Variants in SHC3 observed in about 807,000 individuals in gnomAD.
The protein encoded by SHC3 is SHC adaptor protein 3.
In SHC3, 15 loss-of-function variants were observed where a neutral mutation model predicts 60.4. That is an observed-to-expected ratio of 0.25 (90% CI 0.17 to 0.38). The LOEUF (loss-of-function observed/expected upper bound fraction) is 0.38, where lower values mean the gene tolerates loss of function less well. SHC3 is among the 10% of genes least tolerant of loss of function. SHC3 has a pLI of 1.00. For missense variants in SHC3, 677 were observed against 786.1 expected (o/e 0.86, Z 1.66); for synonymous variants, 294 against 325.9 (o/e 0.90, Z 1.05).
intron 1 of SHC3, among the ~76,000 whole-genome samples, chr9:89,169,969 T>G (rs1169860122): frequency 6.6e-6 from 1 of 152,028 alleles, no homozygotes; most frequent in African/African-American, 2.4e-5. Flanking sequence ...CGGGTTAGGC[T>G]CCCTCACCCC....
intron 11 of SHC3, among the ~76,000 whole-genome samples, chr9:89,033,940 T>C (rs1824531336): frequency 6.6e-6 from 1 of 152,070 alleles, no homozygotes. Context: ...CATATGAGCA[T>C]ATACAAGCAA....
rs533941313 is a variant in SHC3 at position 89,089,120 on chromosome 9, G to A, written c.546-11217C>T. Among the ~76,000 whole-genome samples the A allele has an allele frequency of 3.7e-4, 56 of 152,288 alleles. 1 individual carries two copies. The East Asian group carries it at 9.3e-3, about 25-fold the overall frequency. The stretch of plus-strand genomic sequence containing the variant: ...GAGGTATTTCCCCTTTCTGATCACC[G>A]CACAGAGCCTGTCCATTCCAGGGCA... On this transcript the variant is annotated intron_variant, in intron 2 of 11. Coordinates refer to ENST00000375835, the MANE Select transcript of SHC3 (RefSeq NM_016848.6).
chr9:89,066,708 G>A (rs1825188474), intron 5 of SHC3, among the ~76,000 whole-genome samples: 1 of 152,208 alleles, frequency 6.6e-6, no homozygotes, highest in South Asian at 2.1e-4. Flanking sequence ...AGGGCTTCCA[G>A]GTTATTGATA....
intron 1 of SHC3, among the ~76,000 whole-genome samples, chr9:89,124,741 G>A (rs1038167664): frequency 6.6e-6 from 1 of 151,854 alleles, no homozygotes; most frequent in African/African-American, 2.4e-5. Flanking sequence ...ATGCACACGG[G>A]GCTTAAAACT....
chr9:89,039,976 A>C (rs1170550705), intron 10 of SHC3, among the ~76,000 whole-genome samples: 1 of 151,140 alleles, frequency 6.6e-6, no homozygotes, highest in Non-Finnish European at 1.5e-5. Flanking sequence ...CACCATCAGC[A>C]CCATCAGCAC....
chr9:89,044,216 G>A (rs1323770112), intron 9 of SHC3, among the ~76,000 whole-genome samples: 2 of 152,190 alleles, frequency 1.3e-5, no homozygotes, highest in South Asian at 2.1e-4. Context: ...CATTTTAAAT[G>A]TGTGTAGAAC....
chr9:89,164,588 C>G (rs546795653), intron 1 of SHC3, among the ~76,000 whole-genome samples: 2 of 151,818 alleles, frequency 1.3e-5, no homozygotes, highest in Non-Finnish European at 2.9e-5. Context: ...GTAAGCAAGG[C>G]AAGCAAGCAG....
intron 6 of SHC3, among the ~76,000 whole-genome samples, chr9:89,059,690 A>ATT: frequency 8.1e-6 from 1 of 124,048 alleles, no homozygotes; most frequent in Non-Finnish European, 1.7e-5. Flanking sequence ...GTGGTGGAGG[A>ATT]TGGTGGTGGA....
At chr9:89,135,369 C>G (rs2118178287) in intron 1 of SHC3, among the ~76,000 whole-genome samples, 1 of 152,028 alleles carries the variant, frequency 6.6e-6, no homozygotes, top group East Asian at 1.9e-4. Context: ...ATTTATTTAA[C>G]TCAGGTATTT....
At chr9:89,118,406 T>C (rs1402524052) in intron 1 of SHC3, among the ~76,000 whole-genome samples, 1 of 152,050 alleles carries the variant, frequency 6.6e-6, no homozygotes, top group Non-Finnish European at 1.5e-5. Flanking sequence ...AGAGTTTAGA[T>C]GCATCTGCCT....
chr9:89,077,738 A>T, intron 3 of SHC3, 102 bp downstream of exon 3: 1 of 1,412,262 alleles, frequency 7.1e-7, no homozygotes, highest in Non-Finnish European at 1.0e-6. Flanking sequence ...GCCGGGCCAC[A>T]GAAAGAGGAC....
intron 11 of SHC3, among the ~76,000 whole-genome samples, chr9:89,021,918 G>T (rs941933211): frequency 3.3e-5 from 5 of 152,202 alleles, no homozygotes; most frequent in Admixed American, 1.3e-4. Flanking sequence ...GCCCCTGGGG[G>T]CTTCCAGAGC....
At chr9:89,089,122 A>T (rs1427608882) in intron 2 of SHC3, among the ~76,000 whole-genome samples, 1 of 152,112 alleles carries the variant, frequency 6.6e-6, no homozygotes, top group Non-Finnish European at 1.5e-5. Context: ...TGATCACCGC[A>T]CAGAGCCTGT....
At position 89,071,246 on chromosome 9, in the gene SHC3, C is replaced by G. The variant is rs1825266548; in HGVS notation, c.736G>C (p.Ala246Pro). The G allele has an allele frequency of 6.2e-7, 1 of 1,614,034 alleles. No individual in the cohort carries two copies. The highest frequency in any genetic ancestry group is 8.5e-7 in the Non-Finnish European group (1 of 1,180,010). ...LRTPDSKQII[A>P]NHHMRSISFA... is the part of the protein sequence containing the mutation. ...GAGATGGACCGCATGTGGTGATTCG[C>G]TATGATCTGCCAGGCCCAAAACAAG... The change falls in exon 5 of 12, where the codon GCG becomes CCG. Residue 246 changes from alanine to proline, a missense_variant. Ala to Pro is a conservative substitution (Grantham distance 27). Transcript: ENST00000375835.
chr9:89,114,979 T>C (rs1826000872), intron 1 of SHC3, among the ~76,000 whole-genome samples: 1 of 152,124 alleles, frequency 6.6e-6, no homozygotes, highest in Admixed American at 6.5e-5. Flanking sequence ...AGGCAACCAA[T>C]GACACAGTTA....
chr9:89,102,260 A>T (rs1271194189), intron 2 of SHC3, among the ~76,000 whole-genome samples: 1 of 152,116 alleles, frequency 6.6e-6, no homozygotes, highest in Non-Finnish European at 1.5e-5. Context: ...TGATCTTTTT[A>T]AAAACCACCT....
intron 11 of SHC3, among the ~76,000 whole-genome samples, chr9:89,036,813 G>A (rs1256565991): frequency 2.0e-5 from 3 of 152,020 alleles, no homozygotes; most frequent in African/African-American, 7.3e-5. Flanking sequence ...CACAGTTCAG[G>A]GCAGCCTTGA....
intron 2 of SHC3, among the ~76,000 whole-genome samples, chr9:89,111,351 C>T (rs1564152198): frequency 2.0e-5 from 3 of 152,176 alleles, no homozygotes; most frequent in South Asian, 2.1e-4. Flanking sequence ...TTCTGCCCAC[C>T]GTGATGCCAC....
At chr9:89,064,520 G>A (rs531854441) in intron 6 of SHC3, among the ~76,000 whole-genome samples, 5 of 152,278 alleles carry the variant, frequency 3.3e-5, no homozygotes, top group African/African-American at 1.2e-4. Context: ...CTGGACCTAA[G>A]CCTTATTTCC....
Sources: allele counts gnomAD v4.1 joint callset (sites outside exome capture counted in the v4.1 genomes callset), GRCh38; gene constraint gnomAD v4.1.1; transcripts MANE v1.5; gene names NCBI Gene and HGNC (gene_info 2026-07-23, HGNC 2026-07-21).